The following NBEAL1 variants were observed in gnomAD, a reference collection of about 807,000 sequenced individuals.
The protein encoded by NBEAL1 is neurobeachin like 1.
In NBEAL1, 273 loss-of-function variants were observed where a neutral mutation model predicts 351.3. The ratio of observed to expected loss-of-function variants is 0.78; its 90% confidence interval spans 0.70 to 0.86. NBEAL1 has a LOEUF of 0.86. NBEAL1 is among the 40% of genes least tolerant of loss of function. NBEAL1 has a pLI of 0.00. For synonymous variants in NBEAL1, 1,050 were observed against 1,086.4 expected (o/e 0.97, Z 0.66); for missense variants, 2,961 against 3,201.3 (o/e 0.92, Z 1.81).
chr2:203,146,439 C>T (rs1018978833), intron 33 of NBEAL1, among the ~76,000 whole-genome samples: 2 of 152,042 alleles, frequency 1.3e-5, no homozygotes, highest in African/African-American at 4.8e-5. Flanking sequence ...TACAAGAAAA[C>T]TGCAGACCAG....
intron 4 of NBEAL1, among the ~76,000 whole-genome samples, chr2:203,055,008 G>C (rs2061383068): frequency 6.6e-6 from 1 of 152,172 alleles, no homozygotes; most frequent in African/African-American, 2.4e-5. Context: ...ATCTACCTCT[G>C]TCAGGACTGG....
At position 203,111,952 on chromosome 2, in the gene NBEAL1, C is replaced by T. The variant is rs778885031; in HGVS notation, c.2083-27C>T. On this transcript the variant is annotated intron_variant, in intron 15 of 55. Coordinates refer to ENST00000683969, the MANE Select transcript of NBEAL1 (RefSeq NM_001378026.1). The stretch of plus-strand genomic sequence containing the variant: ...TCCAAAGACATAATGTAATTTTATC[C>T]TTTAAATGTGTGTTTCACTTTACCA... 1.0e-5 allele frequency: 16 copies of T among 1,538,818 alleles called. No homozygotes were observed. In the Admixed American group the frequency reaches 1.1e-4, roughly 10 times the overall value.
At chr2:203,087,642 C>G (rs2061992702) in intron 10 of NBEAL1, among the ~76,000 whole-genome samples, 1 of 152,094 alleles carries the variant, frequency 6.6e-6, no homozygotes, top group South Asian at 2.1e-4. Flanking sequence ...AAATCTATCT[C>G]CTTGATGCTT....
chr2:203,031,902 C>A (rs1003274500), intron 2 of NBEAL1, among the ~76,000 whole-genome samples: 4 of 152,126 alleles, frequency 2.6e-5, no homozygotes, highest in African/African-American at 4.8e-5. Flanking sequence ...GTATACAATC[C>A]CCTCCCACAT....
chr2:203,198,493 C>G lies in NBEAL1; in HGVS notation c.7129-845C>G, dbSNP rs1296664588. On this transcript the variant is annotated intron_variant, in intron 48 of 55. Transcript: ENST00000683969. ...ATTATATTTTTATGGTAAGACTGGT[C>G]CCTGAATTTCTTCCATCTGCCAGCT... Among the ~76,000 whole-genome samples, 3 of 152,048 alleles carry G rather than the reference C, an allele frequency of 2.0e-5. No individual in the cohort carries two copies. The East Asian group carries it at 5.8e-4, about 29-fold the overall frequency.
intron 2 of NBEAL1, among the ~76,000 whole-genome samples, chr2:203,023,251 G>T (rs907490299): frequency 6.6e-6 from 1 of 152,272 alleles, no homozygotes; most frequent in East Asian, 1.9e-4. Context: ...TCTGGTATGT[G>T]CAAAGTGTGA....
chr2:203,214,735 G>C (rs2065870088), intron 55 of NBEAL1, among the ~76,000 whole-genome samples: 1 of 152,136 alleles, frequency 6.6e-6, no homozygotes, highest in Admixed American at 6.5e-5. Context: ...ATATCGTGCT[G>C]CTGCACTCCA....
intron 18 of NBEAL1, among the ~76,000 whole-genome samples, chr2:203,117,862 T>G (rs1433042748): frequency 1.3e-5 from 2 of 151,178 alleles, no homozygotes; most frequent in East Asian, 3.9e-4. Context: ...TTTTTTTTTG[T>G]ATTTTTTATA....
At chr2:203,071,625 A>T (rs2061684534) in intron 7 of NBEAL1, among the ~76,000 whole-genome samples, 2 of 152,200 alleles carry the variant, frequency 1.3e-5, no homozygotes, top group Admixed American at 6.5e-5. Flanking sequence ...TCAACTCTGT[A>T]AGTCTAAAGT....
At chr2:203,100,148 C>G (rs1051423581) in intron 12 of NBEAL1, among the ~76,000 whole-genome samples, 1 of 152,100 alleles carries the variant, frequency 6.6e-6, no homozygotes, top group African/African-American at 2.4e-5. Flanking sequence ...TTTATCCAGT[C>G]TACAATTGGC....
At chr2:203,157,493 A>G (rs1428933019) in intron 35 of NBEAL1, among the ~76,000 whole-genome samples, 1 of 152,086 alleles carries the variant, frequency 6.6e-6, no homozygotes. Flanking sequence ...TTTTTTAAAC[A>G]TTTATTCTTT....
chr2:203,138,309 C>T lies in NBEAL1; in HGVS notation c.4713C>T (p.Thr1571=), dbSNP rs1316584820. Residue 1571 remains threonine, a synonymous_variant, in exon 30 of 56, where the codon ACC becomes ACT. Coordinates refer to ENST00000683969, the MANE Select transcript of NBEAL1 (RefSeq NM_001378026.1). The part of the protein sequence containing the change: ...SEGLVNSNMW[T]EKLLEDMMLL... Reference sequence around the variant, plus strand: ...GACTAGTTAATTCAAACATGTGGACCGAGAAGGTGCAGTAATATCTCTTTA... The same window carrying T: ...GACTAGTTAATTCAAACATGTGGACTGAGAAGGTGCAGTAATATCTCTTTA... The T allele has an allele frequency of 1.1e-5, 17 of 1,610,058 alleles. No homozygotes were observed. Among genetic ancestry groups the T allele is most frequent in the East Asian group, 2.2e-5 (1 of 44,836 alleles).
rs1416260369 is a variant in NBEAL1, at chr2:203,175,152, A to C, written c.6329A>C (p.Glu2110Ala). The C allele has an allele frequency of 6.2e-7, 1 of 1,609,904 alleles. No homozygotes were observed. Among genetic ancestry groups the C allele is most frequent in the Non-Finnish European group, 8.5e-7 (1 of 1,178,314 alleles). ...KNAKAMREKY[E>A]NFEDPMGTID... is the part of the protein sequence containing the mutation. ...TTAGGATTTTTTCCCCACAGATATGAAAATTTTGAGGATCCTATGGGAACT... is the reference window on the plus strand; with the variant it reads ...TTAGGATTTTTTCCCCACAGATATGCAAATTTTGAGGATCCTATGGGAACT... Residue 2110 changes from glutamate (E) to alanine (A), a missense_variant, in exon 42 of 56, where the codon GAA becomes GCA. By Grantham distance (107) the Glu-to-Ala change is moderately radical. Coordinates refer to ENST00000683969, the MANE Select transcript of NBEAL1 (RefSeq NM_001378026.1).
At chr2:203,124,480 A>G (rs919754499) in intron 19 of NBEAL1, among the ~76,000 whole-genome samples, 5 of 152,224 alleles carry the variant, frequency 3.3e-5, no homozygotes, top group Non-Finnish European at 5.9e-5. Context: ...TGCTCTTGTC[A>G]CAAAGTAACT....
intron 36 of NBEAL1, among the ~76,000 whole-genome samples, chr2:203,162,738 G>T (rs2064006296): frequency 6.6e-6 from 1 of 152,112 alleles, no homozygotes; most frequent in South Asian, 2.1e-4. Flanking sequence ...AAAATATATT[G>T]TTTGATAATA....
intron 19 of NBEAL1, 77 bp from the exon 20 acceptor site, chr2:203,125,275 C>A: frequency 1.9e-6 from 2 of 1,074,282 alleles, no homozygotes; most frequent in South Asian, 2.1e-5. Flanking sequence ...CAGATTATAA[C>A]TTCATACATG....
chr2:203,095,119 C>T (rs927593460), intron 10 of NBEAL1, among the ~76,000 whole-genome samples: 5 of 151,672 alleles, frequency 3.3e-5, no homozygotes, highest in East Asian at 1.9e-4. Context: ...AGTGAAACTC[C>T]GTCTCAAAAA....
chr2:203,217,216 A>T (rs778274392), intron 55 of NBEAL1, 37 bp from the exon 56 acceptor site: 4 of 1,431,238 alleles, frequency 2.8e-6, no homozygotes, highest in Non-Finnish European at 3.7e-6. Flanking sequence ...TTTTTTCTTA[A>T]TATTTATTCT....
intron 31 of NBEAL1, among the ~76,000 whole-genome samples, chr2:203,140,164 G>T (rs751983813): frequency 1.3e-5 from 2 of 151,968 alleles, no homozygotes; most frequent in Non-Finnish European, 2.9e-5. Context: ...TTAGCCGGGC[G>T]TGCTGGCGCA....
Sources: gnomAD v4.1 joint callset for allele counts (sites outside exome capture counted in the v4.1 genomes callset) on GRCh38, gnomAD v4.1.1 for gene constraint, MANE v1.5 for transcripts, NCBI Gene and HGNC (gene_info 2026-07-23, HGNC 2026-07-21) for gene names.